The following AUTS2 variants were observed in gnomAD, a reference collection of about 807,000 sequenced individuals.
AUTS2 encodes autism susceptibility gene 2 protein.
A neutral mutation model predicts 112.4 loss-of-function variants in AUTS2; 17 were observed. The observed-to-expected ratio is 0.15, with a 90% CI of 0.10 to 0.23. AUTS2 has a LOEUF of 0.23. Among genes scored for constraint, AUTS2 ranks in the 10% least tolerant of loss-of-function variants. AUTS2 has a pLI of 1.00. For missense variants in AUTS2, 1,510 were observed against 1,701.6 expected, an observed-to-expected ratio of 0.89 and a Z score of 1.98; for synonymous variants, 751 against 702.7, an observed-to-expected ratio of 1.07 and a Z score of -1.09.
chr7:70,769,211 C>A (rs983542395), intron 10 of AUTS2, among the ~76,000 whole-genome samples: 1 of 152,146 alleles, frequency 6.6e-6, no homozygotes, highest in African/African-American at 2.4e-5. Context: ...AGTGATGCCT[C>A]CTCCCCCTCC....
At chr7:70,166,453 G>A (rs1004589039) in intron 4 of AUTS2, among the ~76,000 whole-genome samples, 20 of 152,146 alleles carry the variant, frequency 1.3e-4, no homozygotes, top group Admixed American at 8.5e-4. Context: ...CTTAAAGGAT[G>A]GGAGGGAGGA....
At chr7:69,984,278 G>A (rs933905801) in intron 2 of AUTS2, among the ~76,000 whole-genome samples, 36 of 152,022 alleles carry the variant, frequency 2.4e-4, no homozygotes, top group African/African-American at 8.2e-4. Context: ...ATGGTGGCAG[G>A]CGCCTGTAGT....
intron 1 of AUTS2, among the ~76,000 whole-genome samples, chr7:69,682,431 C>T (rs1796840310): frequency 6.6e-6 from 1 of 152,026 alleles, no homozygotes; most frequent in African/African-American, 2.4e-5. Context: ...CCTCTTTGCC[C>T]ATTTATAAAC....
chr7:70,695,033 C>G (rs966142068), intron 5 of AUTS2: 1 of 152,242 alleles, frequency 6.6e-6, no homozygotes, highest in Non-Finnish European at 1.5e-5. Context: ...ACCGTTTAAC[C>G]CTTTGCAACC....
chr7:69,920,704 T>A (rs1795776102), intron 2 of AUTS2, among the ~76,000 whole-genome samples: 1 of 152,200 alleles, frequency 6.6e-6, no homozygotes, highest in African/African-American at 2.4e-5. Flanking sequence ...AGATACAGTA[T>A]TTTCTTCCTA....
At chr7:70,532,831 G>C (rs1027356557) in intron 5 of AUTS2, among the ~76,000 whole-genome samples, 1 of 152,202 alleles carries the variant, frequency 6.6e-6, no homozygotes, top group African/African-American at 2.4e-5. Flanking sequence ...GTAGGAAAGG[G>C]TAGAAAATTA....
At chr7:69,843,655 G>T (rs192808146) in intron 1 of AUTS2, among the ~76,000 whole-genome samples, 10 of 152,284 alleles carry the variant, frequency 6.6e-5, no homozygotes, top group Admixed American at 1.3e-4. Context: ...GAGTACCAGG[G>T]GGAATGTGAA....
At chr7:70,479,524 G>A (rs567108021) in intron 5 of AUTS2, among the ~76,000 whole-genome samples, 82 of 152,248 alleles carry the variant, frequency 5.4e-4, no homozygotes, top group Non-Finnish European at 9.7e-4. Context: ...CCTAGACACC[G>A]TGGAGCAGAC....
chr7:70,531,839 A>C (rs945695114), intron 5 of AUTS2, among the ~76,000 whole-genome samples: 4 of 150,276 alleles, frequency 2.7e-5, no homozygotes, highest in Admixed American at 6.7e-5. Flanking sequence ...TATATAACAA[A>C]CCCCCCCAAA....
intron 1 of AUTS2, among the ~76,000 whole-genome samples, chr7:69,624,236 C>G (rs992788577): frequency 6.6e-6 from 1 of 152,172 alleles, no homozygotes; most frequent in Non-Finnish European, 1.5e-5. Context: ...TCTTCTGACT[C>G]TAATAAACAA....
At chr7:70,308,036 G>A (rs1350328536) in intron 4 of AUTS2, among the ~76,000 whole-genome samples, 1 of 152,170 alleles carries the variant, frequency 6.6e-6, no homozygotes, top group Non-Finnish European at 1.5e-5. Flanking sequence ...TAGAAGTTTT[G>A]AAAGTTGTGT....
At chr7:69,994,390 G>A (rs1416983634) in intron 2 of AUTS2, among the ~76,000 whole-genome samples, 1 of 152,156 alleles carries the variant, frequency 6.6e-6, no homozygotes, top group Admixed American at 6.6e-5. Flanking sequence ...AACAAACTAA[G>A]GTTGTTACTG....
intron 1 of AUTS2, among the ~76,000 whole-genome samples, chr7:69,717,832 A>C (rs1378727215): frequency 6.6e-6 from 1 of 152,144 alleles, no homozygotes; most frequent in Non-Finnish European, 1.5e-5. Context: ...TAAATACAGA[A>C]GCTATACAGA....
rs1257842419 is a variant in AUTS2 at position 70,025,437 on chromosome 7, CT to C, written c.523-92688del. On this transcript the variant is annotated intron_variant, in intron 2 of 18. Coordinates refer to ENST00000342771, the MANE Select transcript of AUTS2 (RefSeq NM_015570.4). The stretch of plus-strand genomic sequence containing the variant: ...CTTGGATGAAAAACATATCTACATA[CT>C]TTTTTTGTTTCCTTTTTTTTTTTTT... 2.7e-5 allele frequency among the ~76,000 whole-genome samples: 4 copies of C among 148,878 alleles called. No individual in the cohort carries two copies. In the South Asian group the frequency reaches 8.5e-4, roughly 32 times the overall value.
intron 5 of AUTS2, among the ~76,000 whole-genome samples, chr7:70,632,813 AAC>A (rs1398789842): frequency 6.6e-6 from 1 of 152,094 alleles, no homozygotes; most frequent in Admixed American, 6.6e-5. Context: ...TTCCCGAGCA[AAC>A]AGACTTCTGT....
chr7:69,723,137 C>T (rs1799053459), intron 1 of AUTS2, among the ~76,000 whole-genome samples: 1 of 152,146 alleles, frequency 6.6e-6, no homozygotes, highest in African/African-American at 2.4e-5. Flanking sequence ...TATCCCCGTT[C>T]TTACTGCCTT....
intron 1 of AUTS2, among the ~76,000 whole-genome samples, chr7:69,804,044 T>G (rs1790197868): frequency 6.6e-6 from 1 of 152,150 alleles, no homozygotes. Flanking sequence ...AAGAAAATTT[T>G]TTTTCATTTT....
intron 4 of AUTS2, among the ~76,000 whole-genome samples, chr7:70,370,158 T>G (rs1792774045): frequency 6.6e-6 from 1 of 152,128 alleles, no homozygotes; most frequent in Non-Finnish European, 1.5e-5. Flanking sequence ...TTAAACAGCT[T>G]TATTGAGTTA....
intron 2 of AUTS2, among the ~76,000 whole-genome samples, chr7:70,054,919 C>G (rs1584645940): frequency 1.3e-5 from 2 of 152,250 alleles, no homozygotes; most frequent in Non-Finnish European, 1.5e-5. Context: ...CCCTTCTCCT[C>G]CTCCTTATCT....
Sources: gnomAD v4.1 joint callset for allele counts (sites outside exome capture counted in the v4.1 genomes callset) on GRCh38, gnomAD v4.1.1 for gene constraint, MANE v1.5 for transcripts, NCBI Gene and HGNC (gene_info 2026-07-23, HGNC 2026-07-21) for gene names.